Variants in SMYD3 observed in about 807,000 individuals in gnomAD.
The protein encoded by SMYD3 is SET and MYND domain containing 3, also known as histone-lysine N-methyltransferase SMYD3.
SMYD3 carries 36 observed loss-of-function variants against 57.7 expected under a neutral mutation model. That is an observed-to-expected ratio of 0.62 (90% CI 0.48 to 0.82). The LOEUF (loss-of-function observed/expected upper bound fraction) is 0.82, where lower values mean the gene tolerates loss of function less well. SMYD3 is among the 40% of genes least tolerant of loss of function. The pLI, the probability that SMYD3 is intolerant of heterozygous loss-of-function variation, is 0.00. For missense variants in SMYD3, 515 were observed against 538.8 expected, an observed-to-expected ratio of 0.96 and a Z score of 0.44; for synonymous variants, 211 against 195.0, an observed-to-expected ratio of 1.08 and a Z score of -0.68.
chr1:246,147,888 C>G (rs1242424587), intron 5 of SMYD3, among the ~76,000 whole-genome samples: 1 of 152,110 alleles, frequency 6.6e-6, no homozygotes, highest in Non-Finnish European at 1.5e-5. Flanking sequence ...CAGCCTGCAC[C>G]CTGGAGGGCC....
chr1:246,249,402 C>T (rs1291342885), intron 5 of SMYD3, among the ~76,000 whole-genome samples: 5 of 152,120 alleles, frequency 3.3e-5, no homozygotes, highest in African/African-American at 1.2e-4. Context: ...CCGTACCTGG[C>T]CTGATTATTG....
At chr1:245,852,225 G>A (rs1209995828) in intron 10 of SMYD3, among the ~76,000 whole-genome samples, 1 of 152,226 alleles carries the variant, frequency 6.6e-6, no homozygotes, top group African/African-American at 2.4e-5. Context: ...TTTTTCAGAG[G>A]TGTTGAAGGG....
chr1:246,362,402 T>C (rs1000424257), intron 1 of SMYD3, among the ~76,000 whole-genome samples: 2 of 151,834 alleles, frequency 1.3e-5, no homozygotes, highest in African/African-American at 2.4e-5. Context: ...AAACCTGAAT[T>C]ATAGCTCTCC....
chr1:245,824,073 T>A (rs12034157), intron 10 of SMYD3, among the ~76,000 whole-genome samples: 1 of 152,068 alleles, frequency 6.6e-6, no homozygotes, highest in African/African-American at 2.4e-5. Context: ...TGGAGAGTTG[T>A]GGCTTCTGCC....
chr1:246,440,183 A>G (rs942663746), intron 1 of SMYD3, among the ~76,000 whole-genome samples: 1 of 152,174 alleles, frequency 6.6e-6, no homozygotes, highest in African/African-American at 2.4e-5. Context: ...AACCACTATT[A>G]AACCAATATA....
intron 8 of SMYD3, among the ~76,000 whole-genome samples, chr1:245,866,440 GT>G (rs2051850615): frequency 6.6e-6 from 1 of 151,992 alleles, no homozygotes; most frequent in African/African-American, 2.4e-5. Context: ...CCTTAAGAAG[GT>G]AAACAACAGG....
At chr1:246,280,931 A>C (rs1470244641) in intron 5 of SMYD3, among the ~76,000 whole-genome samples, 1 of 152,170 alleles carries the variant, frequency 6.6e-6, no homozygotes, top group Admixed American at 6.5e-5. Context: ...CCTTCCTCAG[A>C]CCTTTGTCTA....
chr1:246,468,468 C>T (rs1653095423), intron 1 of SMYD3, among the ~76,000 whole-genome samples: 1 of 151,820 alleles, frequency 6.6e-6, no homozygotes, highest in Non-Finnish European at 1.5e-5. Flanking sequence ...TGGTGAAACC[C>T]CATCTCCACA....
At chr1:246,494,521 T>A (rs972662911) in intron 1 of SMYD3, among the ~76,000 whole-genome samples, 6 of 152,228 alleles carry the variant, frequency 3.9e-5, no homozygotes, top group Admixed American at 2.6e-4. Context: ...TTCATAGATT[T>A]TAAGTAAGTC....
chr1:246,279,092 C>T (rs779814060), intron 5 of SMYD3, among the ~76,000 whole-genome samples: 2 of 152,170 alleles, frequency 1.3e-5, no homozygotes, highest in Non-Finnish European at 2.9e-5. Context: ...TCTAAGAGCA[C>T]TGGAGAACAG....
intron 5 of SMYD3, among the ~76,000 whole-genome samples, chr1:246,244,177 C>CTA (rs1351744896): frequency 2.0e-5 from 3 of 152,104 alleles, no homozygotes; most frequent in African/African-American, 7.2e-5. Flanking sequence ...AAGAGGTTAG[C>CTA]TATAGTTCCT....
intron 10 of SMYD3, among the ~76,000 whole-genome samples, chr1:245,836,868 G>C (rs913278353): frequency 2.0e-5 from 3 of 152,206 alleles, no homozygotes; most frequent in African/African-American, 7.2e-5. Flanking sequence ...CAACCTTTAA[G>C]TGGATAACTT....
intron 5 of SMYD3, among the ~76,000 whole-genome samples, chr1:246,186,001 G>A (rs1162129229): frequency 6.6e-6 from 1 of 152,110 alleles, no homozygotes; most frequent in Non-Finnish European, 1.5e-5. Context: ...TCACAGACTA[G>A]AGGTTTGTCT....
Position 246,068,575 on chromosome 1 carries a change from G to A in SMYD3, c.532-138638C>T, listed in dbSNP as rs539490916. On this transcript the variant is annotated intron_variant, in intron 5 of 11. Coordinates refer to ENST00000490107, the MANE Select transcript of SMYD3 (RefSeq NM_001167740.2). ...AAGAACAAGAACATAGAGACGGAGC[G>A]CAGGGTGCCTGCAACCTGCTACCAG... Among the ~76,000 whole-genome samples, 175 of 152,282 alleles carry A rather than the reference G, an allele frequency of 1.1e-3. 1 individual carries two copies. Among genetic ancestry groups the A allele is most frequent in the African/African-American group, 4.0e-3 (168 of 41,552 alleles).
chr1:246,323,928 T>TA (rs1412226776), intron 5 of SMYD3, among the ~76,000 whole-genome samples: 1 of 151,854 alleles, frequency 6.6e-6, no homozygotes, highest in Non-Finnish European at 1.5e-5. Context: ...CTGTAAGTAT[T>TA]AAAAATGACA....
At chr1:245,964,004 A>C (rs1431961361) in intron 5 of SMYD3, among the ~76,000 whole-genome samples, 1 of 152,176 alleles carries the variant, frequency 6.6e-6, no homozygotes, top group Non-Finnish European at 1.5e-5. Context: ...TTTCAAAGAA[A>C]AGAGATTTAT....
intron 5 of SMYD3, among the ~76,000 whole-genome samples, chr1:246,166,095 T>C (rs1157828192): frequency 6.6e-6 from 1 of 151,100 alleles, no homozygotes; most frequent in East Asian, 1.9e-4. Context: ...TTCCCCTCCC[T>C]TTTTTAAAAA....
chr1:245,851,305 T>A (rs1212851613), intron 10 of SMYD3, among the ~76,000 whole-genome samples: 2 of 152,178 alleles, frequency 1.3e-5, no homozygotes, highest in African/African-American at 2.4e-5. Context: ...CACAGTGCAT[T>A]TAAGTAGGTA....
chr1:246,507,199 C>G lies in SMYD3; in HGVS notation c.19G>C (p.Glu7Gln). ...CCCCTCTTGGCGGTTGCGAACTTTT[C>G]CACCTTCAGCGGCTCCATCCTCCCG... Reference protein sequence around the residue: MEPLKVEKFATAKRGNG... With the variant: MEPLKVQKFATAKRGNG... The change falls in exon 1 of 12, where the codon GAA becomes CAA. Residue 7 changes from glutamate (E) to glutamine (Q), a missense_variant. Transcript: ENST00000490107. 6.6e-7 allele frequency: 1 copy of G among 1,524,320 alleles called. No homozygotes were observed. Among genetic ancestry groups the G allele is most frequent in the Non-Finnish European group, 8.8e-7 (1 of 1,135,348 alleles). 94.4% of individuals were successfully genotyped at this position (1,524,320 alleles called of 1,614,324 possible).
Sources: gnomAD v4.1 joint callset for allele counts (sites outside exome capture counted in the v4.1 genomes callset) on GRCh38, gnomAD v4.1.1 for gene constraint, MANE v1.5 for transcripts, NCBI Gene and HGNC (gene_info 2026-07-23, HGNC 2026-07-21) for gene names.